Variants in TPH1 observed in about 807,000 individuals in gnomAD.
TPH1 encodes tryptophan 5-hydroxylase 1.
Under a neutral mutation model 49.5 loss-of-function variants are expected in TPH1, and 37 were observed. That is an observed-to-expected ratio of 0.75 (90% CI 0.58 to 0.98). The LOEUF is 0.98. Ranked by LOEUF, TPH1 falls within the 50% of genes least tolerant of loss-of-function variation. The pLI, the probability that TPH1 is intolerant of heterozygous loss-of-function variation, is 0.00. For missense variants in TPH1, 487 were observed against 523.6 expected (o/e 0.93, Z 0.68); for synonymous variants, 160 against 182.1 (o/e 0.88, Z 0.98).
intron 2 of TPH1, among the ~76,000 whole-genome samples, chr11:18,037,347 G>A (rs1168414060): frequency 3.1e-5 from 4 of 128,530 alleles, no homozygotes; most frequent in Non-Finnish European, 5.0e-5. Flanking sequence ...GACAAAGTGA[G>A]ACCCTTTCTC....
intron 2 of TPH1, among the ~76,000 whole-genome samples, chr11:18,036,982 C>G (rs574847403): frequency 6.6e-6 from 1 of 151,818 alleles, no homozygotes; most frequent in Non-Finnish European, 1.5e-5. Context: ...GATGCAGGTG[C>G]TCAGCAAAGG....
intron 3 of TPH1, among the ~76,000 whole-genome samples, chr11:18,034,582 T>C (rs1848025861): frequency 6.6e-6 from 1 of 152,196 alleles, no homozygotes; most frequent in Admixed American, 6.5e-5. Flanking sequence ...AGTAGCTCTC[T>C]GCCAGCCAGA....
rs1401707894 is a variant in TPH1 at position 18,025,713 on chromosome 11, G to A, written c.804-12C>T. ...CATGGCAGGTATCTCTGAAAGAGAGGTACAAGTTTGTCACGCTGCAGTGCT... is the reference window on the plus strand; with the variant it reads ...CATGGCAGGTATCTCTGAAAGAGAGATACAAGTTTGTCACGCTGCAGTGCT... On this transcript the variant is annotated splice_polypyrimidine_tract_variant and intron_variant, in intron 7 of 10. Transcript: ENST00000682019. 3.7e-6 allele frequency: 6 copies of A among 1,613,658 alleles called. No individual in the cohort carries two copies. Among genetic ancestry groups the A allele is most frequent in the Non-Finnish European group, 5.1e-6 (6 of 1,179,732 alleles).
Position 18,022,805 on chromosome 11 carries a change from TCTC to T in TPH1, c.1150_1152del (p.Glu384del), listed in dbSNP as rs1358382270. 1 of 1,613,056 alleles carries T rather than the reference TCTC, an allele frequency of 6.2e-7. No homozygotes were observed. Among genetic ancestry groups the T allele is most frequent in the African/African-American group, 1.3e-5 (1 of 74,902 alleles). On this transcript the variant is annotated inframe_deletion, in exon 10 of 11. Coordinates refer to ENST00000682019, the MANE Select transcript of TPH1 (RefSeq NM_004179.3). ...GAAGAAGATATACTGTACCTCATCTTCTCCTTTGCATCTTCAAAACTTTCAGAT... is the reference window on the plus strand; with the variant it reads ...GAAGAAGATATACTGTACCTCATCTTCTTTGCATCTTCAAAACTTTCAGAT...
chr11:18,022,773 A>T, intron 10 of TPH1, 25 bp downstream of exon 10: 1 of 1,611,276 alleles, frequency 6.2e-7, no homozygotes, highest in Non-Finnish European at 8.5e-7. Context: ...GAAGAAAATG[A>T]AGGCGTGAAG....
chr11:18,023,095 G>T, intron 9 of TPH1, 164 bp from the exon 10 acceptor site: 1 of 717,890 alleles, frequency 1.4e-6, no homozygotes, highest in Non-Finnish European at 2.3e-6. Context: ...GTACACTCCA[G>T]CAAAAAAAAT....
At chr11:18,025,203 T>G (rs1847916210) in intron 8 of TPH1, among the ~76,000 whole-genome samples, 1 of 152,202 alleles carries the variant, frequency 6.6e-6, no homozygotes, top group South Asian at 2.1e-4. Flanking sequence ...ATAGATAACC[T>G]ATTATTGTAA....
chr11:18,040,677 C>A lies in TPH1; in HGVS notation c.86G>T (p.Gly29Val). ...SLIFSLKNEV[G>V]GLIKALKIFQ... ...GATTTTCAGGGCTTTTATAAGTCCT[C>A]CAACTTCATTCTTTAAGGAAAAAAT... Residue 29 changes from glycine to valine, a missense_variant, in exon 2 of 11, where the codon GGA becomes GTA. By Grantham distance (109) the Gly-to-Val change is moderately radical (BLOSUM62 -3). Coordinates refer to ENST00000682019, the MANE Select transcript of TPH1 (RefSeq NM_004179.3). 3 of 1,612,260 alleles carry A rather than the reference C, an allele frequency of 1.9e-6. No homozygotes were observed. Among genetic ancestry groups the A allele is most frequent in the Non-Finnish European group, 2.5e-6 (3 of 1,179,286 alleles).
chr11:18,027,950 A>AT (rs1050074270), intron 6 of TPH1, among the ~76,000 whole-genome samples: 48 of 152,308 alleles, frequency 3.2e-4, no homozygotes, highest in African/African-American at 1.1e-3. Flanking sequence ...AGATATGTAG[A>AT]TTTTTTTAAG....
chr11:18,041,961 T>C (rs917729803), intron 1 of TPH1, among the ~76,000 whole-genome samples: 2 of 152,114 alleles, frequency 1.3e-5, no homozygotes, highest in African/African-American at 4.8e-5. Context: ...CACTTGTTCA[T>C]GGGGAAGGAG....
rs1236721456 is a variant in TPH1 at position 18,018,424 on chromosome 11, T to G, written c.*2567A>C. 1 of 152,026 alleles carries G rather than the reference T, an allele frequency of 6.6e-6. No homozygotes were observed. Among genetic ancestry groups the G allele is most frequent in the African/African-American group, 2.4e-5 (1 of 41,376 alleles). The allele number at this position is 152,026 out of a possible 1,614,324, so 9.4% of individuals were successfully genotyped here. On this transcript the variant is annotated 3_prime_UTR_variant, in exon 11 of 11. Coordinates refer to ENST00000682019, the MANE Select transcript of TPH1 (RefSeq NM_004179.3). ...GCTCACGCCTGTAATCCCAGCACTT[T>G]GGGAGGCCGAGGTGGGCAGATCACA...
chr11:18,026,495 T>C lies in TPH1; in HGVS notation c.798A>G (p.Pro266=). 1 of 1,609,678 alleles carries C rather than the reference T, an allele frequency of 6.2e-7. No individual in the cohort carries two copies. The highest frequency in any genetic ancestry group is 8.5e-7 in the Non-Finnish European group (1 of 1,177,644). The change falls in exon 7 of 11, where the codon CCA becomes CCG. Residue 266 remains proline, a synonymous_variant. Coordinates refer to ENST00000682019, the MANE Select transcript of TPH1 (RefSeq NM_004179.3). ...GCTGAAATAGAAGTACTTACGGCTC[T>C]GGGGTATAGAAGGGATCTGAACTGT... The part of the protein sequence containing the change: ...VRHSSDPFYT[P]EPDTCHELLG...
intron 4 of TPH1, among the ~76,000 whole-genome samples, chr11:18,031,215 C>A (rs1209454426): frequency 6.6e-6 from 1 of 152,114 alleles, no homozygotes. Context: ...AGGAATCATA[C>A]AATATGGGAC....
Position 18,040,718 on chromosome 11 carries a change from CCTTT to C in TPH1, c.41_44del (p.Glu14GlyfsTer10), listed in dbSNP as rs1848092369. On this transcript the variant is annotated frameshift_variant, in exon 2 of 11. Transcript: ENST00000682019. LOFTEE classifies it high-confidence loss of function. ...AGGAAAAAATGAGACTTGCTCTTCC[CCTTT>C]CTAAGGAATGGTCTTTGTTCTCCTT... The C allele has an allele frequency of 6.2e-7, 1 of 1,612,332 alleles. No homozygotes were observed. The highest frequency in any genetic ancestry group is 8.5e-7 in the Non-Finnish European group (1 of 1,179,070).
In TPH1 at chr11:18,026,749, A is replaced by G. The variant is rs1847933419; in HGVS notation, c.668-124T>C. 2.5e-6 allele frequency: 3 copies of G among 1,192,178 alleles called. No homozygotes were observed. In the South Asian group the frequency reaches 3.9e-5, roughly 15 times the overall value. The allele number at this position is 1,192,178 out of a possible 1,614,324, so 73.8% of individuals were successfully genotyped here. Reference sequence around the variant, plus strand: ...GAAGGCATGGAAACTATAATTTATCATATGCATATTAAGGGGAACTAATTA... The same window carrying G: ...GAAGGCATGGAAACTATAATTTATCGTATGCATATTAAGGGGAACTAATTA... On this transcript the variant is annotated intron_variant, in intron 6 of 10. Transcript: ENST00000682019.
chr11:18,025,782 A>G (rs1281820808), intron 7 of TPH1, 81 bp from the exon 8 acceptor site: 5 of 1,558,694 alleles, frequency 3.2e-6, no homozygotes, highest in African/African-American at 1.4e-5. Flanking sequence ...TCGAAATCCA[A>G]TATTTTATTC....
chr11:18,023,667 T>G (rs918464343), intron 9 of TPH1, among the ~76,000 whole-genome samples: 1 of 150,732 alleles, frequency 6.6e-6, no homozygotes, highest in Admixed American at 6.6e-5. Flanking sequence ...ATAAAATTCT[T>G]ATTTTATCTA....
chr11:18,027,341 C>T (rs1439140129), intron 6 of TPH1, among the ~76,000 whole-genome samples: 4 of 152,200 alleles, frequency 2.6e-5, no homozygotes, highest in Admixed American at 6.5e-5. Flanking sequence ...GCAGACTGCA[C>T]TGTCCGGTAA....
Position 18,021,288 on chromosome 11 carries a change from A to G in TPH1, c.1161-123T>C, listed in dbSNP as rs1420631971. Reference sequence around the variant, plus strand: ...CAAATTCTTGTTAGATATGTGTACAACCAATCTGACCTACTTCTCTACACT... The same window carrying G: ...CAAATTCTTGTTAGATATGTGTACAGCCAATCTGACCTACTTCTCTACACT... On this transcript the variant is annotated intron_variant, in intron 10 of 10. Coordinates refer to ENST00000682019, the MANE Select transcript of TPH1 (RefSeq NM_004179.3). 8.9e-6 allele frequency: 8 copies of G among 899,372 alleles called. No homozygotes were observed. In the East Asian group the frequency reaches 2.0e-4, roughly 22 times the overall value. 55.7% of individuals were successfully genotyped at this position (899,372 alleles called of 1,614,324 possible). A position where few individuals can be genotyped will look rare whatever the true frequency, so the allele number is the denominator to read the frequency against.
Sources: allele counts gnomAD v4.1 joint callset (sites outside exome capture counted in the v4.1 genomes callset), GRCh38; gene constraint gnomAD v4.1.1; transcripts MANE v1.5; gene names NCBI Gene and HGNC (gene_info 2026-07-23, HGNC 2026-07-21).